Variants in G3BP1 observed in about 807,000 individuals in gnomAD.
G3BP1 encodes the protein G3BP stress granule assembly factor 1, also known as ras GTPase-activating protein-binding protein 1.
G3BP1 carries 35 observed loss-of-function variants against 58.6 expected under a neutral mutation model. The observed-to-expected ratio is 0.60, with a 90% confidence interval of 0.46 to 0.79. G3BP1 has a LOEUF of 0.79. G3BP1 is among the 30% of genes least tolerant of loss of function. The pLI is 0.00. For missense variants in G3BP1, 523 were observed against 580.8 expected (o/e 0.90, Z 1.02); for synonymous variants, 191 against 195.4 (o/e 0.98, Z 0.19).
chr5:151,802,524 T>C (rs1350359222), intron 11 of G3BP1, among the ~76,000 whole-genome samples: 1 of 152,212 alleles, frequency 6.6e-6, no homozygotes, highest in Non-Finnish European at 1.5e-5. Context: ...CTTTCATCAC[T>C]CATTAGTGTT....
chr5:151,803,548 A>G (rs755151246), intron 11 of G3BP1, among the ~76,000 whole-genome samples: 5 of 151,924 alleles, frequency 3.3e-5, no homozygotes, highest in Non-Finnish European at 7.4e-5. Flanking sequence ...ACTGGAGTAC[A>G]ATGGCGTGAT....
At chr5:151,803,023 T>C (rs1363027321) in intron 11 of G3BP1, among the ~76,000 whole-genome samples, 1 of 152,354 alleles carries the variant, frequency 6.6e-6, no homozygotes, top group Non-Finnish European at 1.5e-5. Flanking sequence ...ATTAGAAAAT[T>C]ACATTGCTGG....
Position 151,797,475 on chromosome 5 carries a change from T to A in G3BP1, c.741+47T>A, listed in dbSNP as rs181562129. On this transcript the variant is annotated intron_variant, in intron 7 of 11. Coordinates refer to ENST00000356245, the MANE Select transcript of G3BP1 (RefSeq NM_005754.3). ...TTATTCTATTCCTAGTTATTTTTTT[T>A]AAAAAAAGTTTCTGTTCTTTTGTAT... 3,843 of 1,540,114 alleles carry A rather than the reference T, an allele frequency of 2.5e-3. 38 individuals carry two copies. In the African/African-American group the frequency reaches 0.032, roughly 13 times the overall value.
At chr5:151,797,615 T>C (rs1023267428) in intron 7 of G3BP1, among the ~76,000 whole-genome samples, 187 bp downstream of exon 7, 1 of 152,212 alleles carries the variant, frequency 6.6e-6, no homozygotes. Context: ...TATTAGTTTA[T>C]TTCATCAAAA....
At chr5:151,791,496 GT>G (rs556095680) in intron 4 of G3BP1, 6 of 155,132 alleles carry the variant, frequency 3.9e-5, no homozygotes, top group Admixed American at 6.2e-5. Context: ...TTAATCTTTT[GT>G]TTTTTTTTAT....
At chr5:151,782,154 C>T (rs898291224) in intron 1 of G3BP1, among the ~76,000 whole-genome samples, 2 of 152,014 alleles carry the variant, frequency 1.3e-5, no homozygotes, top group Non-Finnish European at 2.9e-5. Context: ...ACATTTATTT[C>T]CTGCTTACTG....
At chr5:151,776,388 A>G (rs1052257002) in intron 1 of G3BP1, among the ~76,000 whole-genome samples, 15 of 152,092 alleles carry the variant, frequency 9.9e-5, no homozygotes, top group African/African-American at 3.6e-4. Context: ...TCAAGGAGAG[A>G]GGGGAATTAG....
chr5:151,798,814 A>G (rs1483973990), intron 7 of G3BP1, among the ~76,000 whole-genome samples: 1 of 152,138 alleles, frequency 6.6e-6, no homozygotes, highest in Non-Finnish European at 1.5e-5. Context: ...AAAAGAAAAA[A>G]TAGCTGGACA....
rs956514809 is a variant in G3BP1 at position 151,809,721 on chromosome 5, A to G, written c.*5630A>G. 1.1e-4 allele frequency: 17 copies of G among 152,318 alleles called. No homozygotes were observed. Among genetic ancestry groups the G allele is most frequent in the African/African-American group, 4.1e-4 (17 of 41,576 alleles). The allele number at this position is 152,318 out of a possible 1,614,324, so 9.4% of individuals were successfully genotyped here. A position where few individuals can be genotyped will look rare whatever the true frequency, so the allele number is the denominator to read the frequency against. ...TTTTAGAAGTAATATGGTGATCATCAGTTTAGATTCACTGTAGGAAGGGCA... is the reference window on the plus strand; with the variant it reads ...TTTTAGAAGTAATATGGTGATCATCGGTTTAGATTCACTGTAGGAAGGGCA... On this transcript the variant is annotated 3_prime_UTR_variant, in exon 12 of 12. Coordinates refer to ENST00000356245, the MANE Select transcript of G3BP1 (RefSeq NM_005754.3).
chr5:151,794,268 TAAA>T lies in G3BP1; in HGVS notation c.442+20_442+22del. ...CAGGAGGGTAAGTAGTGAAATACTT[TAAA>T]TTACTTGTCTAAATTTTTTTTAATG... On this transcript the variant is annotated intron_variant, in intron 5 of 11. Transcript: ENST00000356245. The T allele has an allele frequency of 6.9e-7, 1 of 1,442,900 alleles. No individual in the cohort carries two copies. The highest frequency in any genetic ancestry group is 9.8e-7 in the Non-Finnish European group (1 of 1,024,554). 89.4% of individuals were successfully genotyped at this position (1,442,900 alleles called of 1,614,324 possible). A position where few individuals can be genotyped will look rare whatever the true frequency, so the allele number is the denominator to read the frequency against.
At chr5:151,793,831 C>CAAA (rs751382380) in intron 4 of G3BP1, among the ~76,000 whole-genome samples, 5 of 97,834 alleles carry the variant, frequency 5.1e-5, no homozygotes, top group African/African-American at 1.3e-4. Flanking sequence ...CGTCTCTACT[C>CAAA]AAAAAAAAAA....
intron 11 of G3BP1, among the ~76,000 whole-genome samples, chr5:151,802,118 T>TA (rs1194988700): frequency 2.0e-5 from 3 of 152,194 alleles, no homozygotes; most frequent in Non-Finnish European, 4.4e-5. Flanking sequence ...CACCTGGCCT[T>TA]ACTGCATAGT....
At chr5:151,784,525 A>G (rs1762526248) in intron 1 of G3BP1, among the ~76,000 whole-genome samples, 1 of 152,200 alleles carries the variant, frequency 6.6e-6, no homozygotes, top group South Asian at 2.1e-4. Context: ...TTTTGGGGCT[A>G]AAACGTTGGG....
intron 1 of G3BP1, among the ~76,000 whole-genome samples, chr5:151,776,897 CTTT>C (rs199646127): frequency 3.8e-5 from 5 of 130,558 alleles, no homozygotes; most frequent in Non-Finnish European, 6.5e-5. Context: ...GTTGTTCCAG[CTTT>C]TTTTTTTTTT....
chr5:151,774,668 A>G (rs1286178183), intron 1 of G3BP1, among the ~76,000 whole-genome samples: 2 of 151,322 alleles, frequency 1.3e-5, no homozygotes, highest in Non-Finnish European at 2.9e-5. Context: ...GGACGAAACT[A>G]TTACTGACTT....
In G3BP1 at chr5:151,776,897, C is replaced by CTT. The variant is rs199646127; in HGVS notation, c.-50+4876_-50+4877dup. Among the ~76,000 whole-genome samples the CTT allele has an allele frequency of 7.7e-3, 1,000 of 130,544 alleles. 16 individuals are homozygous for CTT. The highest frequency in any genetic ancestry group is 0.024 in the African/African-American group (831 of 35,318). 85.6% of individuals were successfully genotyped at this position (130,544 alleles called of 152,430 possible). On this transcript the variant is annotated intron_variant, in intron 1 of 11. Transcript: ENST00000356245. ...TATTTTGTTGTTCATGTTGTTCCAG[C>CTT]TTTTTTTTTTTTTTTTGGCTCCTTT...
intron 2 of G3BP1, among the ~76,000 whole-genome samples, chr5:151,788,705 C>A (rs1762596737): frequency 6.6e-6 from 1 of 151,668 alleles, no homozygotes; most frequent in Non-Finnish European, 1.5e-5. Flanking sequence ...CCTCTGCCTC[C>A]CAGGTTCCGG....
At chr5:151,782,094 G>C (rs1426148027) in intron 1 of G3BP1, among the ~76,000 whole-genome samples, 1 of 152,038 alleles carries the variant, frequency 6.6e-6, no homozygotes, top group Non-Finnish European at 1.5e-5. Context: ...TGTAGAAATG[G>C]TTTTCTTCTT....
intron 3 of G3BP1, 76 bp from the exon 4 acceptor site, chr5:151,790,813 G>T (rs7736141): frequency 2.4e-6 from 2 of 833,724 alleles, no homozygotes; most frequent in Admixed American, 2.5e-5. Context: ...GTGTTGGAAG[G>T]TTTTTTTTAG....
Sources: allele counts gnomAD v4.1 joint callset (sites outside exome capture counted in the v4.1 genomes callset), GRCh38; gene constraint gnomAD v4.1.1; transcripts MANE v1.5; gene names NCBI Gene and HGNC (gene_info 2026-07-23, HGNC 2026-07-21).